Variants in PATL2 observed in about 807,000 individuals in gnomAD.
PATL2 encodes protein PAT1 homolog 2.
In PATL2, 73 loss-of-function variants were observed where a neutral mutation model predicts 77.0. The observed-to-expected ratio is 0.95, with a 90% CI of 0.78 to 1.15. PATL2 has a LOEUF of 1.15. PATL2 is among the 50% of genes most tolerant of loss of function. PATL2 has a pLI of 0.00. For synonymous variants in PATL2, 265 were observed against 257.1 expected (o/e 1.03, Z -0.29); for missense variants, 618 against 655.4 (o/e 0.94, Z 0.62).
At chr15:44,705,963 G>C (rs1406212300) in intron 3 of PATL2, among the ~76,000 whole-genome samples, 1 of 151,932 alleles carries the variant, frequency 6.6e-6, no homozygotes, top group Non-Finnish European at 1.5e-5. Flanking sequence ...ACCACGCCCA[G>C]CTATTTTTGT....
rs747314039 is a variant in PATL2, at chr15:44,667,218, T to C, written c.1366-15A>G. The C allele has an allele frequency of 5.8e-6, 9 of 1,542,304 alleles. No homozygotes were observed. Among genetic ancestry groups the C allele is most frequent in the East Asian group, 2.4e-5 (1 of 40,882 alleles). ...GATATTCCAAACTGCAAGGGACATA[T>C]ATATATTCCAGAGCAAAATGAGTTC... On this transcript the variant is annotated splice_polypyrimidine_tract_variant and intron_variant, in intron 15 of 17. Transcript: ENST00000682850.
At chr15:44,690,196 A>T (rs1356021659) in intron 3 of PATL2, among the ~76,000 whole-genome samples, 1 of 152,180 alleles carries the variant, frequency 6.6e-6, no homozygotes, top group East Asian at 1.9e-4. Flanking sequence ...TCTCAAAAAA[A>T]AGTGAGTGTT....
chr15:44,694,806 C>A (rs1242195457), intron 3 of PATL2, among the ~76,000 whole-genome samples: 1 of 152,178 alleles, frequency 6.6e-6, no homozygotes, highest in Non-Finnish European at 1.5e-5. Context: ...GAATGGCTGA[C>A]ACCAATCAAA....
In PATL2 at chr15:44,675,472, T is replaced by A. The variant is rs2085906210; in HGVS notation, c.222+14A>T. 6.5e-7 allele frequency: 1 copy of A among 1,548,658 alleles called. No individual in the cohort carries two copies. Among genetic ancestry groups the A allele is most frequent in the Non-Finnish European group, 8.7e-7 (1 of 1,145,340 alleles). On this transcript the variant is annotated intron_variant, in intron 5 of 17. Coordinates refer to ENST00000682850, the MANE Select transcript of PATL2 (RefSeq NM_001387263.1). ...TTCAGGACAACCCTCTCCCATTCCC[T>A]TCTGCCATGGTACCTGGGTGTTGTG...
intron 5 of PATL2, chr15:44,674,885 T>A (rs989173528): frequency 6.6e-6 from 1 of 152,196 alleles, no homozygotes; most frequent in Non-Finnish European, 1.5e-5. Flanking sequence ...ATTTAAGAAT[T>A]AGACACAATA....
chr15:44,675,615 C>G lies in PATL2; in HGVS notation c.93G>C (p.Glu31Asp). The change falls in exon 5 of 18, where the codon GAG (glutamate) becomes GAC (aspartate). Residue 31 changes from glutamate to aspartate, a missense_variant. Physicochemically the swap from Glu to Asp is conservative, Grantham distance 45 (BLOSUM62 2). Coordinates refer to ENST00000682850, the MANE Select transcript of PATL2 (RefSeq NM_001387263.1). ...CCTCTTCCTCCTCCTCCCCTTCATTCTCTTCTTCTTTTTCCAACTGGCAGG... is the reference window on the plus strand; with the variant it reads ...CCTCTTCCTCCTCCTCCCCTTCATTGTCTTCTTCTTTTTCCAACTGGCAGG... ...VSACQLEKEE[E>D]NEGEEEEEEE... 1.9e-6 allele frequency: 3 copies of G among 1,552,012 alleles called. No individual in the cohort carries two copies. Among genetic ancestry groups the G allele is most frequent in the Non-Finnish European group, 2.6e-6 (3 of 1,147,064 alleles).
Position 44,675,585 on chromosome 15 carries a change from CTCCTCCTCT to C in PATL2, c.114_122del (p.Glu39_Glu41del), listed in dbSNP as rs1173171457. 10 of 1,551,314 alleles carry C rather than the reference CTCCTCCTCT, an allele frequency of 6.4e-6. No individual in the cohort carries two copies. The highest frequency in any genetic ancestry group is 8.7e-6 in the Non-Finnish European group (10 of 1,146,450). On this transcript the variant is annotated inframe_deletion, in exon 5 of 18. Coordinates refer to ENST00000682850, the MANE Select transcript of PATL2 (RefSeq NM_001387263.1). ...GATCTGGGTCCAGATCCTCCTCGTC[CTCCTCCTCT>C]TCCTCCTCCTCCCCTTCATTCTCTT...
In PATL2 at chr15:44,711,159, A is replaced by T; in HGVS notation, c.-393T>A. On this transcript the variant is annotated 5_prime_UTR_variant, in exon 1 of 18. Coordinates refer to ENST00000682850, the MANE Select transcript of PATL2 (RefSeq NM_001387263.1). Reference sequence around the variant, plus strand: ...ATGAAAAATGCAGGTCCGAGCAGTTAACTGGCTGGGGCACCATTAGCAAGT... The same window carrying T: ...ATGAAAAATGCAGGTCCGAGCAGTTTACTGGCTGGGGCACCATTAGCAAGT... 4.9e-6 allele frequency: 2 copies of T among 406,386 alleles called. No individual in the cohort carries two copies. Among genetic ancestry groups the T allele is most frequent in the South Asian group, 4.8e-5 (2 of 41,592 alleles). 25.2% of individuals were successfully genotyped at this position (406,386 alleles called of 1,614,324 possible).
At chr15:44,665,997 C>T (rs1056745243) in intron 17 of PATL2, 26 bp from the exon 18 acceptor site, 2 of 1,506,056 alleles carry the variant, frequency 1.3e-6, no homozygotes, top group Non-Finnish European at 1.8e-6. Flanking sequence ...ATATTAACTG[C>T]AAGCACAATT....
intron 5 of PATL2, 191 bp downstream of exon 5, chr15:44,675,295 G>A (rs1007420008): frequency 4.6e-6 from 3 of 656,388 alleles, no homozygotes; most frequent in East Asian, 5.7e-5. Flanking sequence ...AACAGCATCA[G>A]AAATGAAGTG....
intron 3 of PATL2, among the ~76,000 whole-genome samples, chr15:44,709,436 C>A (rs2086805486): frequency 6.6e-6 from 1 of 151,900 alleles, no homozygotes; most frequent in Non-Finnish European, 1.5e-5. Flanking sequence ...GATCCTAGCA[C>A]TTTAGGAGGC....
rs1394241317 is a variant in PATL2, at chr15:44,674,241, AG to A, written c.223-12del. 6 of 1,533,446 alleles carry A rather than the reference AG, an allele frequency of 3.9e-6. No individual in the cohort carries two copies. The highest frequency in any genetic ancestry group is 2.0e-5 in the Admixed American group (1 of 49,926). The allele number at this position is 1,533,446 out of a possible 1,614,324, so 95.0% of individuals were successfully genotyped here. ...GCTAAGCAGAGCTCTCTGGAACAGG[AG>A]GGAGGAAAAACCAGGCTCAAATGGG... On this transcript the variant is annotated splice_polypyrimidine_tract_variant and intron_variant, in intron 5 of 17. Transcript: ENST00000682850.
intron 13 of PATL2, 55 bp downstream of exon 13, chr15:44,669,225 G>A: frequency 6.5e-7 from 1 of 1,532,324 alleles, no homozygotes; most frequent in Non-Finnish European, 8.8e-7. Context: ...AGCAAGACCA[G>A]TGTCTTTGCT....
chr15:44,673,474 T>G (rs2085795783), intron 6 of PATL2, 97 bp from the exon 7 acceptor site: 2 of 1,434,692 alleles, frequency 1.4e-6, no homozygotes. Flanking sequence ...CCTTTTCCCC[T>G]CAAGAACTTC....
chr15:44,669,463 T>C, intron 12 of PATL2, 47 bp downstream of exon 12: 1 of 1,548,886 alleles, frequency 6.5e-7, no homozygotes. Flanking sequence ...AATATCTCAT[T>C]CTCAAAGGTA....
chr15:44,672,709 A>G (rs2085750348), intron 7 of PATL2, among the ~76,000 whole-genome samples: 1 of 152,212 alleles, frequency 6.6e-6, no homozygotes, highest in Admixed American at 6.5e-5. Context: ...CCTGGTCATC[A>G]GGAGTTCTGA....
intron 16 of PATL2, 172 bp downstream of exon 16, chr15:44,666,934 C>T (rs16965650): frequency 0.35 from 206,815 of 596,474 alleles, 39,470 homozygotes; most frequent in East Asian, 0.51. Flanking sequence ...TAGAAGAAAC[C>T]GAAACTCTAG....
intron 2 of PATL2, among the ~76,000 whole-genome samples, chr15:44,710,652 A>G (rs554977778): frequency 3.3e-5 from 5 of 152,138 alleles, no homozygotes; most frequent in Non-Finnish European, 7.4e-5. Context: ...CAGTTTATTT[A>G]TATATTCACT....
intron 3 of PATL2, among the ~76,000 whole-genome samples, chr15:44,685,876 C>T (rs1000918689): frequency 2.0e-5 from 3 of 152,140 alleles, no homozygotes; most frequent in African/African-American, 4.8e-5. Context: ...AATATATATG[C>T]ACCCAATACA....
Sources: allele counts gnomAD v4.1 joint callset (sites outside exome capture counted in the v4.1 genomes callset), GRCh38; gene constraint gnomAD v4.1.1; transcripts MANE v1.5; gene names NCBI Gene and HGNC (gene_info 2026-07-23, HGNC 2026-07-21).